The following RGS22 variants were observed in gnomAD, a reference collection of about 807,000 sequenced individuals.
The protein encoded by RGS22 is regulator of G protein signaling 22, also known as regulator of G-protein signaling 22.
RGS22 carries 148 observed loss-of-function variants against 172.9 expected under a neutral mutation model. The ratio of observed to expected loss-of-function variants is 0.86; its 90% confidence interval spans 0.75 to 0.98. The LOEUF is 0.98. Ranked by LOEUF, RGS22 falls within the 50% of genes least tolerant of loss-of-function variation. The probability of loss-of-function intolerance (pLI) is 0.00; values close to 1 mark genes in which losing one functional copy is unlikely to be tolerated. For synonymous variants in RGS22, 458 were observed against 480.2 expected, an observed-to-expected ratio of 0.95 and a Z score of 0.60; for missense variants, 1,347 against 1,440.8, an observed-to-expected ratio of 0.93 and a Z score of 1.05.
intron 7 of RGS22, among the ~76,000 whole-genome samples, chr8:100,064,703 G>A (rs1197988221): frequency 6.6e-6 from 1 of 152,000 alleles, no homozygotes; most frequent in Non-Finnish European, 1.5e-5. Flanking sequence ...ATATATAAGG[G>A]CCAAATCTAT....
Position 100,003,975 on chromosome 8 carries a change from T to C in RGS22, c.2578A>G (p.Lys860Glu), listed in dbSNP as rs1815388789. 6.2e-7 allele frequency: 1 copy of C among 1,610,692 alleles called. No individual in the cohort carries two copies. Among genetic ancestry groups the C allele is most frequent in the Non-Finnish European group, 8.5e-7 (1 of 1,178,202 alleles). ...TGACGGAAATGTTCAAACTCCAGTT[T>C]GTTGTTAAGCAGATCACTAAACTTA... ...HFKFSDLLNN[K>E]LEFEHFRQFL... Residue 860 changes from lysine to glutamate, a missense_variant, in exon 17 of 28, where the codon AAA (lysine) becomes GAA (glutamate). Lys to Glu is a moderately conservative substitution (Grantham distance 56). Transcript: ENST00000360863.
At chr8:100,016,379 TC>T (rs1816952570) in intron 14 of RGS22, among the ~76,000 whole-genome samples, 1 of 151,842 alleles carries the variant, frequency 6.6e-6, no homozygotes, top group African/African-American at 2.4e-5. Flanking sequence ...CACTTTTTTT[TC>T]TTTTGCTTCC....
chr8:100,025,014 A>AAAT (rs1213265840), intron 14 of RGS22, among the ~76,000 whole-genome samples: 42 of 150,930 alleles, frequency 2.8e-4, no homozygotes, highest in Middle Eastern at 3.4e-3. Flanking sequence ...ATAAATAAAT[A>AAAT]AATAAATAAA....
At chr8:100,058,349 G>T (rs181171584) in intron 9 of RGS22, among the ~76,000 whole-genome samples, 1 of 152,154 alleles carries the variant, frequency 6.6e-6, no homozygotes, top group Non-Finnish European at 1.5e-5. Flanking sequence ...CCAAATATAA[G>T]AAGGTTATAG....
chr8:99,993,426 A>C (rs1019849441), intron 20 of RGS22, among the ~76,000 whole-genome samples: 1 of 152,170 alleles, frequency 6.6e-6, no homozygotes, highest in Non-Finnish European at 1.5e-5. Context: ...AAAATGATAA[A>C]GTGGATATCA....
intron 15 of RGS22, among the ~76,000 whole-genome samples, 181 bp downstream of exon 15, chr8:100,008,194 C>G (rs965988015): frequency 6.6e-6 from 1 of 151,848 alleles, no homozygotes; most frequent in Non-Finnish European, 1.5e-5. Context: ...CCCACCACCA[C>G]GCCTGGCTAA....
chr8:100,100,700 G>A (rs1033619527), intron 2 of RGS22, among the ~76,000 whole-genome samples: 1 of 152,158 alleles, frequency 6.6e-6, no homozygotes, highest in Non-Finnish European at 1.5e-5. Flanking sequence ...ATGTCTTCAT[G>A]CTTGGGAAAT....
intron 9 of RGS22, among the ~76,000 whole-genome samples, chr8:100,062,159 T>A (rs1394879848): frequency 6.6e-6 from 1 of 151,712 alleles, no homozygotes; most frequent in Non-Finnish European, 1.5e-5. Context: ...GGGTGGAAGA[T>A]AGAAAGGAAG....
At chr8:100,046,590 G>T (rs1205074480) in intron 11 of RGS22, 3 of 149,050 alleles carry the variant, frequency 2.0e-5, no homozygotes, top group Non-Finnish European at 4.4e-5. Context: ...GGCAGAGAAG[G>T]TGATTTGGAT....
chr8:100,063,876 T>A lies in RGS22; in HGVS notation c.892A>T (p.Lys298Ter), dbSNP rs1271052090. ...QALLRVYLEK[K>*]QDVDESLTMH... is the part of the protein sequence containing the mutation. ...GTCAGGCTTTCATCAACATCCTGTT[T>A]CTTTTCAAGGTATACTCTCAGAAGA... The change falls in exon 8 of 28, where the codon AAA (lysine) becomes TAA (stop). Residue 298 changes from lysine (K) to a stop codon, truncating the protein, a stop_gained. Coordinates refer to ENST00000360863, the MANE Select transcript of RGS22 (RefSeq NM_015668.5). LOFTEE classifies it high-confidence loss of function. 1 of 1,611,750 alleles carries A rather than the reference T, an allele frequency of 6.2e-7. No individual in the cohort carries two copies. The highest frequency in any genetic ancestry group is 8.5e-7 in the Non-Finnish European group (1 of 1,179,044).
At chr8:100,056,726 G>T (rs1447542278) in intron 9 of RGS22, among the ~76,000 whole-genome samples, 1 of 152,228 alleles carries the variant, frequency 6.6e-6, no homozygotes, top group Non-Finnish European at 1.5e-5. Context: ...ACTCTGCCTA[G>T]ATTTCAGAGT....
At chr8:100,015,152 C>A (rs953297490) in intron 14 of RGS22, among the ~76,000 whole-genome samples, 7 of 152,194 alleles carry the variant, frequency 4.6e-5, no homozygotes, top group Non-Finnish European at 8.8e-5. Flanking sequence ...GAACTCAAAA[C>A]CTTTGCTTCT....
chr8:99,998,384 C>T (rs1357217120), intron 19 of RGS22, among the ~76,000 whole-genome samples: 1 of 137,326 alleles, frequency 7.3e-6, no homozygotes, highest in East Asian at 2.3e-4. Context: ...GGTGGTACAA[C>T]TAATATGTGG....
intron 24 of RGS22, among the ~76,000 whole-genome samples, chr8:99,964,829 AAGTT>A (rs1810564356): frequency 6.6e-6 from 1 of 152,216 alleles, no homozygotes; most frequent in African/African-American, 2.4e-5. Flanking sequence ...AAATAGACAT[AAGTT>A]AAACATACGA....
chr8:100,098,381 A>G (rs1813148326), intron 2 of RGS22, among the ~76,000 whole-genome samples: 1 of 152,222 alleles, frequency 6.6e-6, no homozygotes, highest in African/African-American at 2.4e-5. Flanking sequence ...TCAAAAGAGA[A>G]AAGGGTCAGA....
intron 14 of RGS22, among the ~76,000 whole-genome samples, chr8:100,035,268 A>G (rs965007748): frequency 5.3e-5 from 8 of 152,198 alleles, no homozygotes; most frequent in African/African-American, 1.9e-4. Flanking sequence ...CAAGAAAAAA[A>G]CAAACAACCC....
chr8:100,080,447 T>G, intron 3 of RGS22, 92 bp from the exon 4 acceptor site: 249 of 726,790 alleles, frequency 3.4e-4, no homozygotes, highest in Non-Finnish European at 4.8e-4. Context: ...CATGCATGCA[T>G]ACCTCACAGA....
chr8:100,058,344 T>C (rs1409117576), intron 9 of RGS22, among the ~76,000 whole-genome samples: 1 of 152,018 alleles, frequency 6.6e-6, no homozygotes, highest in Non-Finnish European at 1.5e-5. Context: ...AATATCCAAA[T>C]ATAAGAAGGT....
intron 2 of RGS22, among the ~76,000 whole-genome samples, chr8:100,105,091 C>T (rs1813818652): frequency 6.6e-6 from 1 of 152,198 alleles, no homozygotes; most frequent in South Asian, 2.1e-4. Flanking sequence ...AAACTTTCCT[C>T]TCATGGAGTC....
Sources: allele counts gnomAD v4.1 joint callset (sites outside exome capture counted in the v4.1 genomes callset), GRCh38; gene constraint gnomAD v4.1.1; transcripts MANE v1.5; gene names NCBI Gene and HGNC (gene_info 2026-07-23, HGNC 2026-07-21).